F13A1: variants seen among roughly 807,000 people sequenced by gnomAD.
F13A1 encodes coagulation factor XIII A chain.
F13A1 carries 47 observed loss-of-function variants against 80.1 expected under a neutral mutation model. The observed-to-expected ratio is 0.59, with a 90% confidence interval of 0.46 to 0.75. The LOEUF is 0.75. Among genes scored for constraint, F13A1 ranks in the 30% least tolerant of loss-of-function variants. The pLI is 0.00. For synonymous variants in F13A1, 349 were observed against 344.9 expected (o/e 1.01, Z -0.13); for missense variants, 817 against 930.4 (o/e 0.88, Z 1.59).
Position 6,145,204 on chromosome 6 carries a change from C to A in F13A1, c.*415G>T, listed in dbSNP as rs1453346282. 4 of 230,892 alleles carry A rather than the reference C, an allele frequency of 1.7e-5. No homozygotes were observed. Among genetic ancestry groups the A allele is most frequent in the Non-Finnish European group, 3.5e-5 (4 of 115,774 alleles). The allele number at this position is 230,892 out of a possible 1,614,324, so 14.3% of individuals were successfully genotyped here. A position where few individuals can be genotyped will look rare whatever the true frequency, so the allele number is the denominator to read the frequency against. On this transcript the variant is annotated 3_prime_UTR_variant, in exon 15 of 15. Transcript: ENST00000264870. Reference sequence around the variant, plus strand: ...GAAAGGGGACTGGAATTCTAGAGCCCAAATCATGTGCTATTATTCCCAAAA... The same window carrying A: ...GAAAGGGGACTGGAATTCTAGAGCCAAAATCATGTGCTATTATTCCCAAAA...
rs1302404584 is a variant in F13A1 at position 6,234,275 on chromosome 6, C to T, written c.799-9415G>A. ...AGTTTCTGGATACAAGATTAATGTACACAAATCATTAGCTCTTCTCTACAT... is the reference window on the plus strand; with the variant it reads ...AGTTTCTGGATACAAGATTAATGTATACAAATCATTAGCTCTTCTCTACAT... On this transcript the variant is annotated intron_variant, in intron 6 of 14. Coordinates refer to ENST00000264870, the MANE Select transcript of F13A1 (RefSeq NM_000129.4). Among the ~76,000 whole-genome samples, 4 of 152,040 alleles carry T rather than the reference C, an allele frequency of 2.6e-5. 1 individual carries two copies. The highest frequency in any genetic ancestry group is 4.1e-4 in the South Asian group (2 of 4,826).
chr6:6,295,412 T>G (rs891364389), intron 3 of F13A1, among the ~76,000 whole-genome samples: 3 of 147,936 alleles, frequency 2.0e-5, no homozygotes, highest in African/African-American at 7.9e-5. Flanking sequence ...ACCTGTTGTT[T>G]CCTGACTTTT....
intron 3 of F13A1, among the ~76,000 whole-genome samples, chr6:6,301,579 A>G (rs182463174): frequency 8.5e-5 from 13 of 152,358 alleles, no homozygotes; most frequent in Non-Finnish European, 1.6e-4. Context: ...TTTTATCTCA[A>G]AAACAAATTA....
At chr6:6,318,715 A>G in intron 1 of F13A1, 33 bp from the exon 2 acceptor site, 5 of 1,593,804 alleles carry the variant, frequency 3.1e-6, no homozygotes, top group Non-Finnish European at 4.3e-6. Flanking sequence ...AGACAACAGA[A>G]AAGGCATGTA....
At chr6:6,298,061 A>C in intron 3 of F13A1, among the ~76,000 whole-genome samples, 1 of 150,800 alleles carries the variant, frequency 6.6e-6, no homozygotes, top group Admixed American at 6.6e-5. Flanking sequence ...AGCCGTTTTG[A>C]GTGAGATTCT....
intron 13 of F13A1, among the ~76,000 whole-genome samples, chr6:6,152,964 G>A (rs758322042): frequency 1.3e-5 from 2 of 152,080 alleles, no homozygotes; most frequent in African/African-American, 2.4e-5. Flanking sequence ...CTCATAAAAC[G>A]GCAAACATAT....
chr6:6,226,466 A>G (rs1757277308), intron 6 of F13A1, among the ~76,000 whole-genome samples: 1 of 152,258 alleles, frequency 6.6e-6, no homozygotes, highest in South Asian at 2.1e-4. Context: ...TGTGAAACAT[A>G]TGATTGAAGC....
intron 8 of F13A1, among the ~76,000 whole-genome samples, chr6:6,210,329 A>ATATATATATATATATATATATATATATG (rs1761582550): frequency 8.5e-6 from 1 of 117,946 alleles, no homozygotes. Context: ...CATGTGATAT[A>ATATATATATATATATATATATATATATG]TATATATATA....
Position 6,243,114 on chromosome 6 carries a change from CACT to C in F13A1, c.798+5195_798+5197del, listed in dbSNP as rs1321055943. On this transcript the variant is annotated intron_variant, in intron 6 of 14. Transcript: ENST00000264870. This position sits in a 1 kb window ranked among gnomAD's most constrained non-coding sequence, Gnocchi z 4.2. ...AGTGTTTTACCACCATCACCACCAC[CACT>C]ACCACTATCACCACCATCATAAATC... Among the ~76,000 whole-genome samples the C allele has an allele frequency of 2.6e-5, 4 of 151,972 alleles. No individual in the cohort carries two copies. The highest frequency in any genetic ancestry group is 4.8e-5 in the African/African-American group (2 of 41,380).
chr6:6,310,870 G>A (rs913603920), intron 2 of F13A1, among the ~76,000 whole-genome samples: 2 of 152,166 alleles, frequency 1.3e-5, no homozygotes, highest in African/African-American at 4.8e-5. Flanking sequence ...AGCAATGGAA[G>A]TCACAAGGTA....
intron 2 of F13A1, among the ~76,000 whole-genome samples, chr6:6,312,760 A>G (rs969950027): frequency 6.6e-6 from 1 of 152,140 alleles, no homozygotes; most frequent in Non-Finnish European, 1.5e-5. Flanking sequence ...AACTTGGCTA[A>G]GAAGGGGAAG....
chr6:6,194,903 A>G lies in F13A1; in HGVS notation c.1305+894T>C, dbSNP rs1761263230. Among the ~76,000 whole-genome samples the G allele has an allele frequency of 2.6e-5, 4 of 152,308 alleles. No homozygotes were observed. In the South Asian group the frequency reaches 8.3e-4, roughly 32 times the overall value. ...CTAGATGGTTGTGAGAAAGTCACTT[A>G]ATCACTCTTTGCCTCGATTTTATTT... is the stretch of plus-strand genomic sequence containing the variant. On this transcript the variant is annotated intron_variant, in intron 10 of 14. Coordinates refer to ENST00000264870, the MANE Select transcript of F13A1 (RefSeq NM_000129.4).
At chr6:6,290,076 A>T (rs1350289634) in intron 3 of F13A1, among the ~76,000 whole-genome samples, 1 of 152,222 alleles carries the variant, frequency 6.6e-6, no homozygotes, top group East Asian at 1.9e-4. Context: ...TAATCCCAAT[A>T]TGGTGCTTTG....
At chr6:6,261,055 G>A (rs182726642) in intron 4 of F13A1, among the ~76,000 whole-genome samples, 470 of 152,122 alleles carry the variant, frequency 3.1e-3, no homozygotes, top group Non-Finnish European at 5.7e-3. Context: ...TGCAACCTCC[G>A]CCTCCCAGGT....
At chr6:6,176,527 C>G (rs1032190545) in intron 11 of F13A1, among the ~76,000 whole-genome samples, 2 of 152,132 alleles carry the variant, frequency 1.3e-5, no homozygotes, top group Admixed American at 1.3e-4. Flanking sequence ...GCATTGCATA[C>G]GAATGTGAAT....
At chr6:6,296,916 A>G (rs867940694) in intron 3 of F13A1, among the ~76,000 whole-genome samples, 424 of 142,122 alleles carry the variant, frequency 3.0e-3, no homozygotes, top group African/African-American at 5.5e-3. Flanking sequence ...TTTGAAATAC[A>G]TCCCATCAAT....
intron 11 of F13A1, among the ~76,000 whole-genome samples, chr6:6,175,837 G>A (rs529258828): frequency 5.8e-4 from 89 of 152,338 alleles, no homozygotes; most frequent in African/African-American, 2.1e-3. Flanking sequence ...TGGTGGAGAT[G>A]AAGGGAGGAA....
Position 6,182,139 on chromosome 6 carries a change from G to C in F13A1, c.1308C>G (p.Val436=), listed in dbSNP as rs777571214. The change falls in exon 11 of 15, where the codon GTC becomes GTG. Residue 436 remains valine, a splice_region_variant and synonymous_variant. Coordinates refer to ENST00000264870, the MANE Select transcript of F13A1 (RefSeq NM_000129.4). ...QFDAPFVFAE[V]NSDLIYITAK... ...CTGTAATGTAAATGAGGTCGCTGTT[G>C]ACCTGGAAACAGGAGAGGAGAGCAT... 2.0e-5 allele frequency: 33 copies of C among 1,613,898 alleles called. No individual in the cohort carries two copies. Among genetic ancestry groups the C allele is most frequent in the Non-Finnish European group, 2.7e-5 (32 of 1,180,014 alleles).
chr6:6,255,569 GGGAAGATGTCT>G (rs1362254664), intron 4 of F13A1, among the ~76,000 whole-genome samples: 1 of 151,922 alleles, frequency 6.6e-6, no homozygotes, highest in Non-Finnish European at 1.5e-5. Flanking sequence ...ATGAGAGATG[GGGAAGATGTCT>G]GGAGCTTAGA....
Sources: allele counts gnomAD v4.1 joint callset (sites outside exome capture counted in the v4.1 genomes callset), GRCh38; gene constraint gnomAD v4.1.1; non-coding constraint Gnocchi (gnomAD v3.1); transcripts MANE v1.5; gene names NCBI Gene and HGNC (gene_info 2026-07-23, HGNC 2026-07-21).